PRKG1: variants seen among roughly 807,000 people sequenced by gnomAD.
PRKG1 encodes protein kinase cGMP-dependent 1, also known as cGMP-dependent protein kinase 1.
PRKG1 carries 35 observed loss-of-function variants against 88.1 expected under a neutral mutation model. The observed-to-expected ratio is 0.40, with a 90% CI of 0.30 to 0.53. The LOEUF is 0.53. PRKG1 is among the 20% of genes least tolerant of loss of function. PRKG1 has a pLI of 0.59. For missense variants in PRKG1, 540 were observed against 839.8 expected (o/e 0.64, Z 4.41); for synonymous variants, 303 against 292.5 (o/e 1.04, Z -0.37).
At chr10:51,376,707 T>C (rs1842824111) in intron 2 of PRKG1, among the ~76,000 whole-genome samples, 1 of 152,176 alleles carries the variant, frequency 6.6e-6, no homozygotes, top group Non-Finnish European at 1.5e-5. Flanking sequence ...AGAGTTTTGC[T>C]CTTGTAGCCC....
In PRKG1 at chr10:50,991,328, CG is replaced by C; in HGVS notation, c.-50del. On this transcript the variant is annotated 5_prime_UTR_variant, in exon 1 of 18. Coordinates refer to the PRKG1 transcript ENST00000401604. The surrounding 1 kb of genome is among the most constrained non-coding windows in gnomAD (Gnocchi z 4.5). ...CCGTCCCAGCCGCCGCCGCCGCCGC[CG>C]CCGCCGCCGCCGCCCGAGAAAAAGT... 6.7e-7 allele frequency: 1 copy of C among 1,481,662 alleles called. No individual in the cohort carries two copies. Among genetic ancestry groups the C allele is most frequent in the Non-Finnish European group, 9.0e-7 (1 of 1,115,786 alleles). 91.8% of individuals were successfully genotyped at this position (1,481,662 alleles called of 1,614,324 possible).
intron 1 of PRKG1, among the ~76,000 whole-genome samples, chr10:51,033,198 T>C (rs1046102153): frequency 6.6e-6 from 1 of 152,104 alleles, no homozygotes; most frequent in East Asian, 1.9e-4. Flanking sequence ...ACATCTTCAT[T>C]TGGACGTGCT....
chr10:52,025,443 G>A (rs1845310763), intron 5 of PRKG1, among the ~76,000 whole-genome samples: 1 of 151,980 alleles, frequency 6.6e-6, no homozygotes, highest in African/African-American at 2.4e-5. Flanking sequence ...TTTCTTCTAG[G>A]GTTTTTATGG....
At chr10:51,492,211 A>G (rs55675012) in intron 3 of PRKG1, among the ~76,000 whole-genome samples, 2,631 of 152,262 alleles carry the variant, frequency 0.017, 55 homozygotes, top group African/African-American at 0.044. Flanking sequence ...CACTGGTCCA[A>G]CTTGAACAAA....
At chr10:51,551,180 C>T (rs1356281504) in intron 3 of PRKG1, among the ~76,000 whole-genome samples, 6 of 151,808 alleles carry the variant, frequency 4.0e-5, no homozygotes, top group East Asian at 1.9e-4. Flanking sequence ...ATGCATTTCA[C>T]GTTGACAACT....
chr10:51,911,269 T>C (rs1343249394), intron 5 of PRKG1: 1 of 152,012 alleles, frequency 6.6e-6, no homozygotes, highest in Non-Finnish European at 1.5e-5. Context: ...TTGTGTGTTG[T>C]TGTTTTTAAA....
intron 2 of PRKG1, among the ~76,000 whole-genome samples, chr10:51,345,080 A>C (rs2132553668): frequency 6.6e-6 from 1 of 152,302 alleles, no homozygotes; most frequent in African/African-American, 2.4e-5. Context: ...TTCTTGGTGA[A>C]ATATAACCAG....
chr10:51,666,101 T>C (rs1411930343), intron 3 of PRKG1, among the ~76,000 whole-genome samples: 2 of 152,184 alleles, frequency 1.3e-5, no homozygotes, highest in South Asian at 2.1e-4. Flanking sequence ...TGAAACCTTA[T>C]GTTTGTATGT....
At chr10:51,567,609 CAG>C (rs1837640367) in intron 3 of PRKG1, among the ~76,000 whole-genome samples, 1 of 152,008 alleles carries the variant, frequency 6.6e-6, no homozygotes, top group Middle Eastern at 3.2e-3. Flanking sequence ...TTTTTTGAGA[CAG>C]AGTCTCCCTC....
intron 3 of PRKG1, among the ~76,000 whole-genome samples, chr10:51,708,555 CTT>C (rs1480947266): frequency 2.6e-5 from 4 of 152,164 alleles, no homozygotes; most frequent in Non-Finnish European, 5.9e-5. Context: ...CGCTGCATCT[CTT>C]TGTACATTTG....
intron 3 of PRKG1, among the ~76,000 whole-genome samples, chr10:51,710,868 C>A (rs1015271324): frequency 5.9e-5 from 9 of 151,958 alleles, no homozygotes; most frequent in Non-Finnish European, 8.8e-5. Flanking sequence ...ATTTAATTTT[C>A]CTTTTTGTTA....
chr10:51,084,099 C>T (rs965143669), intron 1 of PRKG1, among the ~76,000 whole-genome samples: 1 of 152,116 alleles, frequency 6.6e-6, no homozygotes, highest in African/African-American at 2.4e-5. Context: ...TATGTTAAAA[C>T]AGAATAGATG....
rs536504445 is a variant in PRKG1 at position 51,112,846 on chromosome 10, A to G, written c.311+37945A>G. Among the ~76,000 whole-genome samples, 39 of 152,342 alleles carry G rather than the reference A, an allele frequency of 2.6e-4. No homozygotes were observed. The South Asian group carries it at 7.7e-3, about 30-fold the overall frequency. On this transcript the variant is annotated intron_variant, in intron 1 of 17. Coordinates refer to ENST00000373980, the MANE Select transcript of PRKG1 (RefSeq NM_006258.4). ...CTAATTTCCATTTTTCCAAATTCATATGAATGCTAGACTAGTTTGACATAG... is the reference window on the plus strand; with the variant it reads ...CTAATTTCCATTTTTCCAAATTCATGTGAATGCTAGACTAGTTTGACATAG...
chr10:51,172,146 T>C (rs541178142), intron 2 of PRKG1, among the ~76,000 whole-genome samples: 3 of 152,062 alleles, frequency 2.0e-5, no homozygotes, highest in Non-Finnish European at 2.9e-5. Flanking sequence ...TTATATTCAG[T>C]GATGAAATAA....
At chr10:51,545,191 C>T (rs1393397907) in intron 3 of PRKG1, among the ~76,000 whole-genome samples, 7 of 151,932 alleles carry the variant, frequency 4.6e-5, no homozygotes, top group African/African-American at 7.3e-5. Flanking sequence ...ACAATCTACT[C>T]GAAAAATAAA....
chr10:51,492,955 G>T (rs1256461198), intron 3 of PRKG1, among the ~76,000 whole-genome samples: 1 of 152,002 alleles, frequency 6.6e-6, no homozygotes, highest in African/African-American at 2.4e-5. Flanking sequence ...AAAACTGATG[G>T]TATATAAATT....
intron 2 of PRKG1, among the ~76,000 whole-genome samples, chr10:51,313,070 A>AGTGT (rs34130710): frequency 0.016 from 2,274 of 145,886 alleles, 20 homozygotes; most frequent in Middle Eastern, 0.038. Context: ...ATTAAGTTGC[A>AGTGT]GTGTGTGTGT....
intron 14 of PRKG1, among the ~76,000 whole-genome samples, chr10:52,285,542 G>A (rs1295238055): frequency 1.3e-5 from 2 of 152,038 alleles, no homozygotes; most frequent in African/African-American, 2.4e-5. Flanking sequence ...GCTTTTGTGA[G>A]TTCAATGTTT....
chr10:51,510,973 T>G (rs1240777070), intron 3 of PRKG1, among the ~76,000 whole-genome samples: 1 of 151,570 alleles, frequency 6.6e-6, no homozygotes, highest in Non-Finnish European at 1.5e-5. Context: ...AGGCTGGTCT[T>G]GAACTTTTGA....
Sources: gnomAD v4.1 joint callset for allele counts (sites outside exome capture counted in the v4.1 genomes callset) on GRCh38, gnomAD v4.1.1 for gene constraint, Gnocchi (gnomAD v3.1) non-coding constraint, MANE v1.5 for transcripts, NCBI Gene and HGNC (gene_info 2026-07-23, HGNC 2026-07-21) for gene names.